CUL5: variants seen among roughly 807,000 people sequenced by gnomAD.
CUL5 encodes cullin 5, also known as cullin-5.
Under a neutral mutation model 108.8 loss-of-function variants are expected in CUL5, and 26 were observed. The ratio of observed to expected loss-of-function variants is 0.24; its 90% CI spans 0.18 to 0.33. The LOEUF is 0.33. Ranked by LOEUF, CUL5 falls within the 10% of genes least tolerant of loss-of-function variation. The pLI, the probability that CUL5 is intolerant of heterozygous loss-of-function variation, is 1.00. For missense variants in CUL5, 524 were observed against 909.2 expected (o/e 0.58, Z 5.45); for synonymous variants, 334 against 298.0 (o/e 1.12, Z -1.25).
intron 11 of CUL5, among the ~76,000 whole-genome samples, chr11:108,087,489 A>G (rs1469693186): frequency 6.6e-6 from 1 of 152,232 alleles, no homozygotes; most frequent in East Asian, 1.9e-4. Context: ...AAGACTTTCA[A>G]GCATGAAAAT....
At chr11:108,076,188 A>C (rs909112049) in intron 10 of CUL5, among the ~76,000 whole-genome samples, 1 of 151,724 alleles carries the variant, frequency 6.6e-6, no homozygotes, top group Admixed American at 6.6e-5. Flanking sequence ...ATGCACCACT[A>C]TGTTTGGCTA....
intron 1 of CUL5, among the ~76,000 whole-genome samples, chr11:108,027,011 T>C (rs1187505932): frequency 6.6e-6 from 1 of 151,508 alleles, no homozygotes; most frequent in African/African-American, 2.4e-5. Context: ...AAAAAAATTA[T>C]TATTTTTTCA....
intron 13 of CUL5, 52 bp downstream of exon 13, chr11:108,089,675 A>G (rs759715482): frequency 3.0e-6 from 3 of 988,276 alleles, no homozygotes; most frequent in Non-Finnish European, 4.3e-6. Context: ...CATCATTTAT[A>G]TGTGTGCTTA....
chr11:108,026,333 A>C (rs1024723049), intron 1 of CUL5, among the ~76,000 whole-genome samples: 10 of 152,088 alleles, frequency 6.6e-5, no homozygotes. Flanking sequence ...TTCCAGAGTC[A>C]CTTATTCTTC....
In CUL5 at chr11:108,105,617, TAACTA is replaced by T. The variant is rs1864780417; in HGVS notation, c.*1234_*1238del. On this transcript the variant is annotated 3_prime_UTR_variant, in exon 19 of 19. Coordinates refer to ENST00000393094, the MANE Select transcript of CUL5 (RefSeq NM_003478.6). ...TTTCAGTCTATCCAAAGTAGCAACT[TAACTA>T]GTTGCTGGCAACTGAATACCCAGAG... 3.9e-5 allele frequency: 6 copies of T among 152,264 alleles called. No individual in the cohort carries two copies. The South Asian group carries it at 1.2e-3, about 32-fold the overall frequency. 9.4% of individuals were successfully genotyped at this position (152,264 alleles called of 1,614,324 possible).
In CUL5 at chr11:108,106,233, G is replaced by A. The variant is rs75686791; in HGVS notation, c.*1849G>A. ...TAATTCAGCATTGGCGTATTTGCTT[G>A]TCCCAATACAAGAATGCCAAAGGAG... is the stretch of plus-strand genomic sequence containing the variant. On this transcript the variant is annotated 3_prime_UTR_variant, in exon 19 of 19. Coordinates refer to ENST00000393094, the MANE Select transcript of CUL5 (RefSeq NM_003478.6). 7.9e-5 allele frequency: 12 copies of A among 152,646 alleles called. No homozygotes were observed. Among genetic ancestry groups the A allele is most frequent in the Admixed American group, 2.6e-4 (4 of 15,286 alleles). 9.5% of individuals were successfully genotyped at this position (152,646 alleles called of 1,614,324 possible).
chr11:108,097,386 T>C (rs541609648), intron 16 of CUL5, among the ~76,000 whole-genome samples: 1 of 152,358 alleles, frequency 6.6e-6, no homozygotes, highest in South Asian at 2.1e-4. Context: ...GTGTTTACTA[T>C]GGTCCTGTGT....
intron 11 of CUL5, among the ~76,000 whole-genome samples, chr11:108,087,834 G>A (rs535104397): frequency 5.5e-4 from 83 of 152,060 alleles, no homozygotes; most frequent in Admixed American, 9.2e-4. Context: ...GCATGGTGGC[G>A]GGCACCTGTA....
intron 10 of CUL5, among the ~76,000 whole-genome samples, chr11:108,077,652 AT>A (rs1384163828): frequency 1.3e-5 from 2 of 151,738 alleles, no homozygotes; most frequent in African/African-American, 4.8e-5. Flanking sequence ...AAGAAAAAAA[AT>A]CTCACTTGAG....
rs181573650 is a variant in CUL5, at chr11:108,038,982, T to C, written c.134+5071T>C. ...GTGGTATAAGAGATTGTTCTGCATGTTGTGCAATATTTATCACTTCTGTCC... is the reference window on the plus strand; with the variant it reads ...GTGGTATAAGAGATTGTTCTGCATGCTGTGCAATATTTATCACTTCTGTCC... On this transcript the variant is annotated intron_variant, in intron 2 of 18. Transcript: ENST00000393094. Among the ~76,000 whole-genome samples, 252 of 152,170 alleles carry C rather than the reference T, an allele frequency of 1.7e-3. 1 individual carries two copies. The highest frequency in any genetic ancestry group is 5.9e-3 in the African/African-American group (247 of 41,548).
At chr11:108,015,042 G>A (rs1447243796) in intron 1 of CUL5, among the ~76,000 whole-genome samples, 1 of 152,148 alleles carries the variant, frequency 6.6e-6, no homozygotes, top group Non-Finnish European at 1.5e-5. Flanking sequence ...GGGATTACCG[G>A]TGACCACCAC....
chr11:108,052,838 C>G, intron 5 of CUL5, 37 bp downstream of exon 5: 1 of 1,556,532 alleles, frequency 6.4e-7, no homozygotes, highest in Non-Finnish European at 8.7e-7. Context: ...ATTTCTGTTT[C>G]ATGGAAATTG....
intron 1 of CUL5, among the ~76,000 whole-genome samples, chr11:108,030,343 A>G (rs1206899000): frequency 6.6e-6 from 1 of 152,224 alleles, no homozygotes; most frequent in Non-Finnish European, 1.5e-5. Context: ...GGTCCTTATG[A>G]TAAGAATACA....
chr11:108,036,785 A>G (rs1862756700), intron 2 of CUL5, among the ~76,000 whole-genome samples: 1 of 152,122 alleles, frequency 6.6e-6, no homozygotes, highest in Non-Finnish European at 1.5e-5. Context: ...AGCCATCCTT[A>G]TTCCTTATTT....
chr11:108,050,746 T>A (rs1863196266), intron 4 of CUL5, among the ~76,000 whole-genome samples: 1 of 152,240 alleles, frequency 6.6e-6, no homozygotes, highest in Admixed American at 6.5e-5. Flanking sequence ...CTGATATCTT[T>A]ATGTTTAATT....
At chr11:108,067,009 C>G (rs1863700762) in intron 7 of CUL5, among the ~76,000 whole-genome samples, 1 of 152,176 alleles carries the variant, frequency 6.6e-6, no homozygotes, top group South Asian at 2.1e-4. Context: ...TATGTACATG[C>G]TCTACTTCTG....
At chr11:108,022,431 T>G (rs753332383) in intron 1 of CUL5, among the ~76,000 whole-genome samples, 2 of 152,230 alleles carry the variant, frequency 1.3e-5, no homozygotes, top group Non-Finnish European at 2.9e-5. Context: ...TATCTGCTCC[T>G]TTACTCATGA....
At chr11:108,048,954 C>T (rs975866889) in intron 3 of CUL5, among the ~76,000 whole-genome samples, 5 of 151,114 alleles carry the variant, frequency 3.3e-5, no homozygotes, top group East Asian at 2.0e-4. Context: ...CATGAGCCAC[C>T]GCACCTGCCG....
At chr11:108,098,967 T>G (rs1864570878) in intron 18 of CUL5, among the ~76,000 whole-genome samples, 1 of 151,940 alleles carries the variant, frequency 6.6e-6, no homozygotes, top group African/African-American at 2.4e-5. Context: ...ACTTTTACTA[T>G]TTTCATTTAA....
Sources: allele counts gnomAD v4.1 joint callset (sites outside exome capture counted in the v4.1 genomes callset), GRCh38; gene constraint gnomAD v4.1.1; transcripts MANE v1.5; gene names NCBI Gene and HGNC (gene_info 2026-07-23, HGNC 2026-07-21).